ERGIC1: variants seen among roughly 807,000 people sequenced by gnomAD.
ERGIC1 encodes endoplasmic reticulum-golgi intermediate compartment 1, also known as endoplasmic reticulum-Golgi intermediate compartment protein 1.
In ERGIC1, 19 loss-of-function variants were observed where a neutral mutation model predicts 38.3. The ratio of observed to expected loss-of-function variants is 0.50; its 90% CI spans 0.35 to 0.73. The LOEUF (loss-of-function observed/expected upper bound fraction) is 0.73, where lower values mean the gene tolerates loss of function less well. ERGIC1 is among the 30% of genes least tolerant of loss of function. ERGIC1 has a pLI of 0.01. For missense variants in ERGIC1, 294 were observed against 389.2 expected, an observed-to-expected ratio of 0.76 and a Z score of 2.06; for synonymous variants, 124 against 157.6, an observed-to-expected ratio of 0.79 and a Z score of 1.60.
At chr5:172,891,240 T>TG (rs1273642091) in intron 2 of ERGIC1, among the ~76,000 whole-genome samples, 1 of 152,152 alleles carries the variant, frequency 6.6e-6, no homozygotes, top group East Asian at 1.9e-4. Flanking sequence ...GGAAAGGATA[T>TG]GGAGGGGACC....
chr5:172,881,994 G>A (rs1489688861), intron 1 of ERGIC1, among the ~76,000 whole-genome samples: 1 of 151,802 alleles, frequency 6.6e-6, no homozygotes, highest in African/African-American at 2.4e-5. Flanking sequence ...AGGGAGGACG[G>A]CTCACTTCCT....
chr5:172,898,127 A>G (rs1307392937), intron 3 of ERGIC1: 4 of 378,328 alleles, frequency 1.1e-5, no homozygotes, highest in Middle Eastern at 6.7e-4. Flanking sequence ...CTGGCCACCC[A>G]CTCTCCTGCT....
chr5:172,924,324 G>T (rs1209957033), intron 6 of ERGIC1, among the ~76,000 whole-genome samples: 1 of 152,208 alleles, frequency 6.6e-6, no homozygotes, highest in African/African-American at 2.4e-5. Context: ...CTCCTAGAGC[G>T]CCCAGCTGGT....
At chr5:172,872,520 A>G (rs570652192) in intron 1 of ERGIC1, among the ~76,000 whole-genome samples, 7 of 152,290 alleles carry the variant, frequency 4.6e-5, no homozygotes, top group Middle Eastern at 3.4e-3. Flanking sequence ...AGTGTTGTCA[A>G]AAGGTGGTCT....
intron 1 of ERGIC1, among the ~76,000 whole-genome samples, chr5:172,875,465 C>A (rs964335910): frequency 2.0e-5 from 3 of 152,174 alleles, no homozygotes; most frequent in South Asian, 2.1e-4. Flanking sequence ...CCTACCCCCC[C>A]AGCAGGCTTC....
intron 1 of ERGIC1, among the ~76,000 whole-genome samples, chr5:172,836,225 G>A (rs1761032845): frequency 6.6e-6 from 1 of 152,182 alleles, no homozygotes; most frequent in South Asian, 2.1e-4. Flanking sequence ...CCAACCTTGT[G>A]CTCCTTGAAT....
chr5:172,926,491 C>T lies in ERGIC1; in HGVS notation c.481-18C>T. ...GGAGGTGTCCTGGGGACCATCCCCT[C>T]ACTGCATTTTTCCACAGGTCCAGAA... On this transcript the variant is annotated intron_variant, in intron 6 of 9. Coordinates refer to ENST00000393784, the MANE Select transcript of ERGIC1 (RefSeq NM_001031711.3). This position sits in a 1 kb window ranked among gnomAD's most constrained non-coding sequence, Gnocchi z 5.2. 6.2e-7 allele frequency: 1 copy of T among 1,613,832 alleles called. No homozygotes were observed. Among genetic ancestry groups the T allele is most frequent in the Non-Finnish European group, 8.5e-7 (1 of 1,179,998 alleles).
At chr5:172,939,483 CCTT>C (rs1763961295) in intron 9 of ERGIC1, among the ~76,000 whole-genome samples, 1 of 152,244 alleles carries the variant, frequency 6.6e-6, no homozygotes, top group East Asian at 1.9e-4. Flanking sequence ...GAGCCGCTGA[CCTT>C]CTGAGAGCAG....
chr5:172,895,544 G>A lies in ERGIC1; in HGVS notation c.83-1458G>A, dbSNP rs1431091562. On this transcript the variant is annotated intron_variant, in intron 2 of 9. Coordinates refer to ENST00000393784, the MANE Select transcript of ERGIC1 (RefSeq NM_001031711.3). Reference sequence around the variant, plus strand: ...GGCCCCAGCCCCAGGCCAGGCACTGGAACTCCAGAGTATTTGTCTTTCTGG... The same window carrying A: ...GGCCCCAGCCCCAGGCCAGGCACTGAAACTCCAGAGTATTTGTCTTTCTGG... 3.3e-5 allele frequency among the ~76,000 whole-genome samples: 5 copies of A among 152,110 alleles called. No individual in the cohort carries two copies. The East Asian group carries it at 7.7e-4, about 23-fold the overall frequency.
Position 172,926,303 on chromosome 5 carries a change from G to A in ERGIC1, c.481-206G>A, listed in dbSNP as rs1251109098. Among the ~76,000 whole-genome samples the A allele has an allele frequency of 6.6e-6, 1 of 152,230 alleles. No homozygotes were observed. Among genetic ancestry groups the A allele is most frequent in the Non-Finnish European group, 1.5e-5 (1 of 68,044 alleles). ...AGGGGCCAGGATGGAGCAGCACATA[G>A]TAGGGGCTAGAGATGGGAAACAAGC... On this transcript the variant is annotated intron_variant, in intron 6 of 9. Transcript: ENST00000393784. This position sits in a 1 kb window ranked among gnomAD's most constrained non-coding sequence, Gnocchi z 5.2.
intron 3 of ERGIC1, 110 bp from the exon 4 acceptor site, chr5:172,909,557 C>A: frequency 1.0e-6 from 1 of 970,996 alleles, no homozygotes; most frequent in South Asian, 1.4e-5. Context: ...CAGGTGGAGT[C>A]TGGGTTATCT....
intron 1 of ERGIC1, among the ~76,000 whole-genome samples, chr5:172,854,610 G>A (rs1761498413): frequency 6.6e-6 from 1 of 152,214 alleles, no homozygotes; most frequent in African/African-American, 2.4e-5. Flanking sequence ...GGTGAGTGTG[G>A]GTGTGTGGGC....
chr5:172,894,118 T>C (rs151080873), intron 2 of ERGIC1, among the ~76,000 whole-genome samples: 129 of 133,532 alleles, frequency 9.7e-4, no homozygotes, highest in Non-Finnish European at 1.8e-3. Flanking sequence ...CACTGTCTTA[T>C]GGTGCTGATG....
chr5:172,945,227 GTTC>G (rs1196910819), intron 9 of ERGIC1, among the ~76,000 whole-genome samples: 15 of 152,334 alleles, frequency 9.8e-5, no homozygotes, highest in Admixed American at 3.3e-4. Context: ...CCACAAGGAT[GTTC>G]TTCATCACAA....
At chr5:172,949,101 A>G (rs760667522) in intron 9 of ERGIC1, among the ~76,000 whole-genome samples, 1 of 152,200 alleles carries the variant, frequency 6.6e-6, no homozygotes, top group Non-Finnish European at 1.5e-5. Flanking sequence ...TTTGTCTTCC[A>G]TCATCCATGC....
intron 9 of ERGIC1, among the ~76,000 whole-genome samples, chr5:172,945,381 G>A (rs1302533927): frequency 2.0e-5 from 3 of 152,218 alleles, no homozygotes; most frequent in Non-Finnish European, 2.9e-5. Context: ...TCTGCCTGCG[G>A]TGCTGGGACA....
At chr5:172,882,864 A>G (rs1365871701) in intron 1 of ERGIC1, among the ~76,000 whole-genome samples, 1 of 152,088 alleles carries the variant, frequency 6.6e-6, no homozygotes, top group Non-Finnish European at 1.5e-5. Context: ...AGCACCTCAA[A>G]TTCAGGTGCC....
chr5:172,934,804 C>T (rs1219828090), intron 8 of ERGIC1: 1 of 286,838 alleles, frequency 3.5e-6, no homozygotes, highest in African/African-American at 2.2e-5. Context: ...CATGGGCCAC[C>T]ACAGTGGAGG....
intron 9 of ERGIC1, among the ~76,000 whole-genome samples, chr5:172,945,034 C>T (rs568191165): frequency 3.9e-5 from 6 of 152,320 alleles, no homozygotes; most frequent in African/African-American, 1.4e-4. Flanking sequence ...TTCTCTCACT[C>T]CTTTATTTAT....
Sources: gnomAD v4.1 joint callset for allele counts (sites outside exome capture counted in the v4.1 genomes callset) on GRCh38, gnomAD v4.1.1 for gene constraint, Gnocchi (gnomAD v3.1) non-coding constraint, MANE v1.5 for transcripts, NCBI Gene and HGNC (gene_info 2026-07-23, HGNC 2026-07-21) for gene names.